Variants in CNTNAP5 observed in about 807,000 individuals in gnomAD.
CNTNAP5 encodes contactin associated protein family member 5.
In CNTNAP5, 72 loss-of-function variants were observed where a neutral mutation model predicts 150.2. That is an observed-to-expected ratio of 0.48 (90% CI 0.40 to 0.58). CNTNAP5 has a LOEUF of 0.58. Among genes scored for constraint, CNTNAP5 ranks in the 20% least tolerant of loss-of-function variants. The pLI, the probability that CNTNAP5 is intolerant of heterozygous loss-of-function variation, is 0.00. For missense variants in CNTNAP5, 1,636 were observed against 1,626.2 expected (o/e 1.01, Z -0.10); for synonymous variants, 672 against 619.8 (o/e 1.08, Z -1.25).
intron 6 of CNTNAP5, among the ~76,000 whole-genome samples, chr2:124,473,578 C>T (rs1693570157): frequency 6.6e-6 from 1 of 151,884 alleles, no homozygotes; most frequent in Admixed American, 6.6e-5. Flanking sequence ...TATAAGAAGA[C>T]ATTCTGATTG....
intron 3 of CNTNAP5, among the ~76,000 whole-genome samples, chr2:124,267,324 A>C (rs1558826877): frequency 6.6e-6 from 1 of 152,198 alleles, no homozygotes; most frequent in Admixed American, 6.5e-5. Flanking sequence ...TTAAAGTAAA[A>C]ATTCAAATCC....
At chr2:124,599,042 C>T (rs941436986) in intron 11 of CNTNAP5, among the ~76,000 whole-genome samples, 8 of 152,114 alleles carry the variant, frequency 5.3e-5, no homozygotes, top group African/African-American at 1.7e-4. Flanking sequence ...CGCCCACTGT[C>T]TGGCACTCCC....
chr2:124,748,050 GGAGAGAGT>G (rs1428497952), intron 14 of CNTNAP5, among the ~76,000 whole-genome samples: 1 of 151,802 alleles, frequency 6.6e-6, no homozygotes, highest in East Asian at 1.9e-4. Flanking sequence ...TGTTTTGGGG[GGAGAGAGT>G]GAGAGAGATA....
chr2:124,075,839 G>A (rs1682424094), intron 1 of CNTNAP5, among the ~76,000 whole-genome samples: 1 of 152,138 alleles, frequency 6.6e-6, no homozygotes, highest in Non-Finnish European at 1.5e-5. Flanking sequence ...GAACTAAAGA[G>A]CTAGCAGCAA....
intron 7 of CNTNAP5, among the ~76,000 whole-genome samples, chr2:124,503,867 C>T (rs551951630): frequency 2.0e-5 from 3 of 152,350 alleles, no homozygotes; most frequent in Admixed American, 2.0e-4. Flanking sequence ...TTTTCCTTCG[C>T]ATAACCTTTG....
At chr2:124,030,980 TCATCTTCAC>T (rs779672714) in intron 1 of CNTNAP5, among the ~76,000 whole-genome samples, 89 of 152,170 alleles carry the variant, frequency 5.8e-4, no homozygotes, top group Non-Finnish European at 1.1e-3. Context: ...CTGCTAAACC[TCATCTTCAC>T]CACTCCTCCA....
chr2:124,638,183 A>C (rs554497527), intron 12 of CNTNAP5, among the ~76,000 whole-genome samples: 9 of 149,818 alleles, frequency 6.0e-5, no homozygotes, highest in African/African-American at 2.2e-4. Flanking sequence ...TATATATGAT[A>C]TATATGAGAT....
intron 10 of CNTNAP5, among the ~76,000 whole-genome samples, chr2:124,551,659 G>A (rs1206253846): frequency 6.6e-6 from 1 of 152,140 alleles, no homozygotes; most frequent in Non-Finnish European, 1.5e-5. Context: ...ATTTTATAAA[G>A]AAGGAATGAG....
Position 124,864,573 on chromosome 2 carries a change from TCACACACACA to T in CNTNAP5, c.3218-716_3218-707del, listed in dbSNP as rs10531893. On this transcript the variant is annotated intron_variant, in intron 19 of 23. Coordinates refer to ENST00000682447, the MANE Select transcript of CNTNAP5 (RefSeq NM_001367498.1). ...CTCTCTCTCTCTGTCTCTCTGTGTCTCACACACACACACACACACACACACAGAATTGATA... is the reference window on the plus strand; with the variant it reads ...CTCTCTCTCTCTGTCTCTCTGTGTCTCACACACACACACACAGAATTGATA... Among the ~76,000 whole-genome samples the T allele has an allele frequency of 2.9e-4, 43 of 149,958 alleles. 1 individual carries two copies. The highest frequency in any genetic ancestry group is 3.5e-3 in the Middle Eastern group (1 of 282).
intron 1 of CNTNAP5, among the ~76,000 whole-genome samples, chr2:124,094,328 G>C (rs1415889416): frequency 2.0e-5 from 3 of 152,170 alleles, no homozygotes; most frequent in African/African-American, 7.2e-5. Context: ...ACGATTTGGA[G>C]TAATTCTGTT....
At chr2:124,750,303 C>T (rs1464683822) in intron 14 of CNTNAP5, among the ~76,000 whole-genome samples, 1 of 152,114 alleles carries the variant, frequency 6.6e-6, no homozygotes, top group Non-Finnish European at 1.5e-5. Context: ...TCCTGGATGT[C>T]CCATAGCAGC....
At chr2:124,495,767 A>G (rs1441443800) in intron 7 of CNTNAP5, among the ~76,000 whole-genome samples, 6 of 152,010 alleles carry the variant, frequency 3.9e-5, no homozygotes, top group Non-Finnish European at 7.4e-5. Context: ...TCTTTTCAGT[A>G]CTTGTCCTTT....
chr2:124,358,289 CT>C (rs1186098521), intron 3 of CNTNAP5, among the ~76,000 whole-genome samples: 1 of 151,930 alleles, frequency 6.6e-6, no homozygotes. Flanking sequence ...ATTGAATACC[CT>C]TTATTTCCTT....
intron 14 of CNTNAP5, among the ~76,000 whole-genome samples, chr2:124,750,538 T>C (rs987033909): frequency 2.0e-5 from 3 of 152,220 alleles, no homozygotes; most frequent in Admixed American, 2.0e-4. Context: ...ATCACTTACT[T>C]AGTGCCTACT....
intron 3 of CNTNAP5, among the ~76,000 whole-genome samples, chr2:124,312,890 A>C (rs1350049102): frequency 6.6e-6 from 1 of 152,106 alleles, no homozygotes; most frequent in Admixed American, 6.5e-5. Flanking sequence ...TTCTTAGTAG[A>C]GACGGGGTTT....
intron 13 of CNTNAP5, among the ~76,000 whole-genome samples, chr2:124,714,035 CT>C (rs1017354043): frequency 1.5e-4 from 23 of 152,040 alleles, no homozygotes; most frequent in Admixed American, 3.9e-4. Flanking sequence ...TCTTTAGGCT[CT>C]TTTTTTCCCC....
At chr2:124,611,250 A>G (rs1338747739) in intron 12 of CNTNAP5, among the ~76,000 whole-genome samples, 1 of 152,210 alleles carries the variant, frequency 6.6e-6, no homozygotes, top group Non-Finnish European at 1.5e-5. Context: ...ATGAGGCAGT[A>G]AAGTCAGGAA....
At chr2:124,125,760 C>T (rs1445860242) in intron 1 of CNTNAP5, among the ~76,000 whole-genome samples, 2 of 152,186 alleles carry the variant, frequency 1.3e-5, no homozygotes, top group Non-Finnish European at 1.5e-5. Context: ...TTAAGAAACT[C>T]ACTCAAAACC....
At position 124,563,119 on chromosome 2, in the gene CNTNAP5, CT is replaced by C. The variant is rs1238964704; in HGVS notation, c.1650-97del. The C allele has an allele frequency of 2.7e-5, 19 of 710,478 alleles. No homozygotes were observed. The Admixed American group carries it at 3.9e-4, about 14-fold the overall frequency. The allele number at this position is 710,478 out of a possible 1,614,324, so 44.0% of individuals were successfully genotyped here. The stretch of plus-strand genomic sequence containing the variant: ...TGGGAGTATAGCAAATCAATATCTA[CT>C]ATTAATTGAGGCAGTTGGATATGAG... On this transcript the variant is annotated intron_variant, in intron 10 of 23. Coordinates refer to ENST00000682447, the MANE Select transcript of CNTNAP5 (RefSeq NM_001367498.1).
Sources: gnomAD v4.1 joint callset for allele counts (sites outside exome capture counted in the v4.1 genomes callset) on GRCh38, gnomAD v4.1.1 for gene constraint, MANE v1.5 for transcripts, NCBI Gene and HGNC (gene_info 2026-07-23, HGNC 2026-07-21) for gene names.